Variants in GCNT4 observed in about 807,000 individuals in gnomAD.
GCNT4 encodes the protein beta-1,3-galactosyl-O-glycosyl-glycoprotein beta-1,6-N-acetylglucosaminyltransferase 4.
GCNT4 carries 17 observed loss-of-function variants against 31.3 expected under a neutral mutation model. That is an observed-to-expected ratio of 0.54 (90% CI 0.37 to 0.81). The LOEUF is 0.81. GCNT4 is among the 40% of genes least tolerant of loss of function. The probability of loss-of-function intolerance (pLI) is 0.00; values close to 1 mark genes in which losing one functional copy is unlikely to be tolerated. For synonymous variants in GCNT4, 158 were observed against 190.6 expected (o/e 0.83, Z 1.41); for missense variants, 503 against 525.5 (o/e 0.96, Z 0.42).
chr5:75,049,897 T>C (rs1483819299), intron 2 of GCNT4, among the ~76,000 whole-genome samples: 1 of 152,240 alleles, frequency 6.6e-6, no homozygotes, highest in Admixed American at 6.5e-5. Flanking sequence ...CCAGAAATGA[T>C]AGAAATGGCA....
At chr5:75,052,647 C>G (rs910073775), upstream of GCNT4, 1 of 152,126 alleles carries the variant, frequency 6.6e-6, no homozygotes, top group East Asian at 1.9e-4. Flanking sequence ...GCTTCCGCCC[C>G]CAAAGAACAA....
the GCNT4 span, among the ~76,000 whole-genome samples, chr5:75,019,115 G>A: frequency 1.6e-4 from 24 of 152,256 alleles, no homozygotes; most frequent in East Asian, 4.6e-3. Context: ...GTGCTCATAA[G>A]AGGAGATAGA....
At chr5:75,042,823 G>A (rs535810008) in intron 3 of GCNT4, among the ~76,000 whole-genome samples, 31 of 152,298 alleles carry the variant, frequency 2.0e-4, no homozygotes, top group African/African-American at 7.5e-4. Flanking sequence ...ATTTAGCTAA[G>A]ATCTGTGTGT....
intron 2 of GCNT4, among the ~76,000 whole-genome samples, chr5:75,051,498 C>G (rs1448302104): frequency 6.6e-6 from 1 of 152,158 alleles, no homozygotes; most frequent in Non-Finnish European, 1.5e-5. Context: ...GTGATAAGCC[C>G]CAGGTCACCA....
chr5:75,021,184 C>T (rs1317366795), downstream of GCNT4, among the ~76,000 whole-genome samples: 2 of 152,208 alleles, frequency 1.3e-5, no homozygotes, highest in South Asian at 2.1e-4. Context: ...TCTTTCTCTT[C>T]CCTGTTCCTT....
upstream of GCNT4, among the ~76,000 whole-genome samples, chr5:75,053,790 A>T (rs574878228): frequency 2.4e-4 from 36 of 152,172 alleles, no homozygotes; most frequent in South Asian, 2.3e-3. Flanking sequence ...CGCGCTTCGG[A>T]CAAAGTTCTC....
chr5:75,035,926 T>A (rs561077150), intron 3 of GCNT4, among the ~76,000 whole-genome samples: 6 of 152,220 alleles, frequency 3.9e-5, no homozygotes, highest in Non-Finnish European at 7.3e-5. Flanking sequence ...AATTCAGTAT[T>A]TTAGAATTAG....
At chr5:75,048,589 T>C (rs963055250) in intron 2 of GCNT4, among the ~76,000 whole-genome samples, 1 of 152,210 alleles carries the variant, frequency 6.6e-6, no homozygotes, top group Non-Finnish European at 1.5e-5. Context: ...CTGGACAGCA[T>C]GCGAACCACA....
At chr5:75,032,467 C>T (rs1743085876) in intron 3 of GCNT4, among the ~76,000 whole-genome samples, 1 of 152,188 alleles carries the variant, frequency 6.6e-6, no homozygotes, top group South Asian at 2.1e-4. Context: ...ACTCATGGCC[C>T]ATGTTTGAAA....
chr5:75,029,810 G>C lies in GCNT4; in HGVS notation c.228C>G (p.Ile76Met). 1.2e-6 allele frequency: 2 copies of C among 1,613,916 alleles called. No homozygotes were observed. The highest frequency in any genetic ancestry group is 3.3e-5 in the Admixed American group (2 of 59,986). ...CAATTTCCAAAGGCTCCTGTTCATA[G>C]ATACCCGAACAGTTAACTTCATACC... ...EVRYEVNCSG[I>M]YEQEPLEIGK... The change falls in exon 4 of 4, where the codon ATC (isoleucine) becomes ATG (methionine). Residue 76 changes from isoleucine to methionine, a missense_variant. Physicochemically the swap from Ile to Met is conservative, Grantham distance 10. Coordinates refer to ENST00000652361, the MANE Select transcript of GCNT4 (RefSeq NM_001366737.1).
At position 75,027,367 on chromosome 5, in the gene GCNT4, ATAT is replaced by A. The variant is rs1265993343; in HGVS notation, c.*1306_*1308del. ...ATGTATATATAATATATATATTTATATATTATATATGTAATGGAATTGTTCTAT... is the reference window on the plus strand; with the variant it reads ...ATGTATATATAATATATATATTTATATATATATGTAATGGAATTGTTCTAT... On this transcript the variant is annotated 3_prime_UTR_variant, in exon 4 of 4. Transcript: ENST00000652361. The A allele has an allele frequency of 1.4e-5, 2 of 139,526 alleles. No homozygotes were observed. Among genetic ancestry groups the A allele is most frequent in the African/African-American group, 5.3e-5 (2 of 37,662 alleles). 8.6% of individuals were successfully genotyped at this position (139,526 alleles called of 1,614,324 possible).
chr5:75,039,850 C>G (rs1580242352), intron 3 of GCNT4, among the ~76,000 whole-genome samples: 1 of 152,182 alleles, frequency 6.6e-6, no homozygotes, highest in African/African-American at 2.4e-5. Flanking sequence ...AATCAGATCA[C>G]TTCCCCTCCC....
At chr5:75,041,753 G>C (rs1309134884) in intron 3 of GCNT4, among the ~76,000 whole-genome samples, 6 of 152,206 alleles carry the variant, frequency 3.9e-5, no homozygotes, top group Non-Finnish European at 8.8e-5. Flanking sequence ...GGAAACAGTA[G>C]ACTTGATTCT....
At position 75,043,235 on chromosome 5, in the gene GCNT4, C is replaced by T. The variant is rs115703271; in HGVS notation, c.-2+4662G>A. The stretch of plus-strand genomic sequence containing the variant: ...CAAAAACCAGACTCTTCAGATTTTC[C>T]AACAGATTATGATGTTAAAACAGTA... On this transcript the variant is annotated intron_variant, in intron 3 of 3. Transcript: ENST00000652361. 2.4e-3 allele frequency among the ~76,000 whole-genome samples: 361 copies of T among 152,286 alleles called. 4 individuals carry two copies. The highest frequency in any genetic ancestry group is 3.7e-3 in the Non-Finnish European group (252 of 68,022).
At chr5:75,040,392 T>C (rs551398159) in intron 3 of GCNT4, among the ~76,000 whole-genome samples, 1 of 152,304 alleles carries the variant, frequency 6.6e-6, no homozygotes, top group South Asian at 2.1e-4. Context: ...ATAAGGTCTT[T>C]GAAGGCCTCA....
Position 75,029,593 on chromosome 5 carries a change from G to A in GCNT4, c.445C>T (p.Leu149Phe), listed in dbSNP as rs1366426670. ...VHKDAIMVER[L>F]IHAIYNQHNI... ...TGCTGGTTGTATATAGCATGGATAA[G>A]CCTTTCAACCATAATTGCATCTTTG... is the stretch of plus-strand genomic sequence containing the variant. Residue 149 changes from leucine to phenylalanine, a missense_variant, in exon 4 of 4, where the codon CTT becomes TTT. Leu to Phe is a conservative substitution (Grantham distance 22, BLOSUM62 0). Transcript: ENST00000652361. 1.2e-6 allele frequency: 2 copies of A among 1,614,136 alleles called. No homozygotes were observed. The highest frequency in any genetic ancestry group is 1.1e-5 in the South Asian group (1 of 91,076).
At chr5:75,017,419 G>A in the GCNT4 span, 1 of 152,130 alleles carries the variant, frequency 6.6e-6, no homozygotes, top group African/African-American at 2.4e-5. Flanking sequence ...TTCAGTTTCG[G>A]TGTTCCTACC....
At position 75,029,726 on chromosome 5, in the gene GCNT4, CACA is replaced by C. The variant is rs1237509076; in HGVS notation, c.309_311del (p.Val104del). ...AAATGTCACAATCACTGGTCATTGC[CACA>C]ACATCATCATCCTCCAAGTCAATGA... On this transcript the variant is annotated inframe_deletion, in exon 4 of 4. Transcript: ENST00000652361. 9.3e-6 allele frequency: 15 copies of C among 1,613,962 alleles called. No individual in the cohort carries two copies. Among genetic ancestry groups the C allele is most frequent in the Middle Eastern group, 1.6e-4 (1 of 6,084 alleles).
intron 3 of GCNT4, among the ~76,000 whole-genome samples, chr5:75,045,642 T>A (rs952533017): frequency 6.6e-6 from 1 of 152,228 alleles, no homozygotes. Flanking sequence ...TTCAAGAATA[T>A]CCCCTATATA....
Sources: allele counts gnomAD v4.1 joint callset (sites outside exome capture counted in the v4.1 genomes callset), GRCh38; gene constraint gnomAD v4.1.1; transcripts MANE v1.5; gene names NCBI Gene and HGNC (gene_info 2026-07-23, HGNC 2026-07-21).